ZNF326: variants seen among roughly 807,000 people sequenced by gnomAD.
The protein encoded by ZNF326 is DBIRD complex subunit ZNF326.
A neutral mutation model predicts 63.1 loss-of-function variants in ZNF326; 30 were observed. The ratio of observed to expected loss-of-function variants is 0.48; its 90% CI spans 0.36 to 0.64. The LOEUF is 0.64. ZNF326 is among the 30% of genes least tolerant of loss of function. ZNF326 has a pLI of 0.00. For synonymous variants in ZNF326, 194 were observed against 228.2 expected, an observed-to-expected ratio of 0.85 and a Z score of 1.35; for missense variants, 609 against 720.3, an observed-to-expected ratio of 0.85 and a Z score of 1.77.
intron 2 of ZNF326, among the ~76,000 whole-genome samples, chr1:90,002,317 T>C (rs906872398): frequency 2.6e-5 from 4 of 152,188 alleles, no homozygotes; most frequent in Non-Finnish European, 4.4e-5. Flanking sequence ...ACAATAAATG[T>C]TAATAATTTT....
At chr1:90,024,980 G>GTTTTTTTTTT (rs563668519) in intron 11 of ZNF326, among the ~76,000 whole-genome samples, 2 of 128,536 alleles carry the variant, frequency 1.6e-5, no homozygotes, top group African/African-American at 5.8e-5. Flanking sequence ...TTTTTTTCCT[G>GTTTTTTTTTT]TTTTTTTTTT....
intron 8 of ZNF326, 44 bp from the exon 9 acceptor site, chr1:90,018,641 T>G: frequency 9.0e-7 from 1 of 1,116,502 alleles, no homozygotes; most frequent in South Asian, 1.4e-5. Flanking sequence ...TATACTTGAG[T>G]GCTCATTGAA....
intron 6 of ZNF326, among the ~76,000 whole-genome samples, chr1:90,011,982 G>A (rs983075209): frequency 2.6e-5 from 4 of 152,084 alleles, no homozygotes; most frequent in African/African-American, 4.8e-5. Flanking sequence ...GACTACAGAT[G>A]TGCACCACCA....
intron 8 of ZNF326, 68 bp from the exon 9 acceptor site, chr1:90,018,617 A>G (rs1048143164): frequency 3.1e-5 from 25 of 799,882 alleles, no homozygotes; most frequent in Non-Finnish European, 4.0e-6. Context: ...TAGAATGAAC[A>G]TAGTGCTAAG....
intron 2 of ZNF326, among the ~76,000 whole-genome samples, chr1:90,003,479 A>G (rs1232921260): frequency 1.3e-5 from 2 of 152,292 alleles, no homozygotes; most frequent in East Asian, 3.9e-4. Flanking sequence ...GGACTAGTAA[A>G]TTTAAGATGA....
intron 6 of ZNF326, among the ~76,000 whole-genome samples, chr1:90,012,541 T>C (rs763735878): frequency 6.6e-6 from 1 of 152,242 alleles, no homozygotes; most frequent in Non-Finnish European, 1.5e-5. Context: ...ATGTACTTAA[T>C]GCCATTGAAT....
Position 90,007,891 on chromosome 1 carries a change from A to T in ZNF326, c.615+141A>T. On this transcript the variant is annotated intron_variant, in intron 5 of 11. Coordinates refer to ENST00000340281, the MANE Select transcript of ZNF326 (RefSeq NM_182976.4). The surrounding 1 kb of genome is among the most constrained non-coding windows in gnomAD (Gnocchi z 4.9). ...AAGCTGAGTCATAAACATAATTTTTAGGTTGACTGTAAAAGTTTTTCTAGC... is the reference window on the plus strand; with the variant it reads ...AAGCTGAGTCATAAACATAATTTTTTGGTTGACTGTAAAAGTTTTTCTAGC... The T allele has an allele frequency of 1.2e-6, 1 of 845,258 alleles. No individual in the cohort carries two copies. Among genetic ancestry groups the T allele is most frequent in the Non-Finnish European group, 1.6e-6 (1 of 623,092 alleles). 52.4% of individuals were successfully genotyped at this position (845,258 alleles called of 1,614,324 possible).
rs2816879 is a variant in ZNF326 at position 90,024,459 on chromosome 1, G to A, written c.1401+2114G>A. 8.9e-3 allele frequency among the ~76,000 whole-genome samples: 1,350 copies of A among 152,164 alleles called. 15 individuals are homozygous for A. The highest frequency in any genetic ancestry group is 0.031 in the African/African-American group (1,283 of 41,494). ...CTTGCTAAAAAATGTGGAATTGTGC[G>A]TGCCAGTCCTGTGTTTCCCAGATTT... is the stretch of plus-strand genomic sequence containing the variant. On this transcript the variant is annotated intron_variant, in intron 11 of 11. Transcript: ENST00000340281.
intron 2 of ZNF326, among the ~76,000 whole-genome samples, chr1:90,000,383 C>G (rs1648614524): frequency 6.6e-6 from 1 of 152,020 alleles, no homozygotes; most frequent in Non-Finnish European, 1.5e-5. Flanking sequence ...TTCATAATAC[C>G]TTTTACATAA....
chr1:90,015,017 T>C (rs1649435502), intron 7 of ZNF326, among the ~76,000 whole-genome samples: 1 of 152,178 alleles, frequency 6.6e-6, no homozygotes. Flanking sequence ...GAATTGAACT[T>C]TCATTTAGCT....
chr1:90,004,143 G>C (rs1426371648), intron 2 of ZNF326, among the ~76,000 whole-genome samples: 2 of 151,116 alleles, frequency 1.3e-5, no homozygotes, highest in African/African-American at 2.4e-5. Context: ...TATATAGGCA[G>C]AATTGCAGTG....
Position 90,021,320 on chromosome 1 carries a change from TAA to T in ZNF326, c.1305+402_1305+403del, listed in dbSNP as rs149882660. Among the ~76,000 whole-genome samples, 373 of 152,196 alleles carry T rather than the reference TAA, an allele frequency of 2.5e-3. 2 individuals are homozygous for T. Among genetic ancestry groups the T allele is most frequent in the African/African-American group, 8.4e-3 (349 of 41,564 alleles). ...AGCTTTTGTTGAACTGTTAACTTTT[TAA>T]AAAGTCAGTACAAAACAGTTTTGTG... On this transcript the variant is annotated intron_variant, in intron 10 of 11. Coordinates refer to ENST00000340281, the MANE Select transcript of ZNF326 (RefSeq NM_182976.4).
intron 9 of ZNF326, 106 bp downstream of exon 9, chr1:90,018,890 T>G: frequency 2.0e-6 from 1 of 509,494 alleles, no homozygotes. Flanking sequence ...TACAGTCATA[T>G]ATACAGTAGC....
chr1:90,024,615 C>CTT (rs1245635971), intron 11 of ZNF326, among the ~76,000 whole-genome samples: 2 of 151,496 alleles, frequency 1.3e-5, no homozygotes, highest in Non-Finnish European at 2.9e-5. Flanking sequence ...TATTCTTTTT[C>CTT]TTATATATAT....
At chr1:90,024,345 G>A (rs1649911342) in intron 11 of ZNF326, among the ~76,000 whole-genome samples, 1 of 152,010 alleles carries the variant, frequency 6.6e-6, no homozygotes, top group African/African-American at 2.4e-5. Flanking sequence ...CCCTGCTCTG[G>A]GCATTGATAA....
chr1:90,024,907 ATCT>A (rs947607289), intron 11 of ZNF326, among the ~76,000 whole-genome samples: 3 of 150,956 alleles, frequency 2.0e-5, no homozygotes, highest in African/African-American at 7.3e-5. Context: ...GTGAGGAAAA[ATCT>A]TCTTTGCCTT....
At chr1:90,013,345 C>T in intron 7 of ZNF326, 108 bp downstream of exon 7, 1 of 840,452 alleles carries the variant, frequency 1.2e-6, no homozygotes, top group Non-Finnish European at 1.7e-6. Flanking sequence ...AATGAAAAGA[C>T]TTGTTCAAAG....
chr1:90,025,271 C>G (rs1649963379), intron 11 of ZNF326, among the ~76,000 whole-genome samples: 1 of 152,068 alleles, frequency 6.6e-6, no homozygotes, highest in Non-Finnish European at 1.5e-5. Context: ...TAGGGTTTCC[C>G]AAACTTCACT....
chr1:89,996,400 C>A (rs543395288), intron 1 of ZNF326, among the ~76,000 whole-genome samples: 1 of 152,148 alleles, frequency 6.6e-6, no homozygotes, highest in Admixed American at 6.5e-5. Flanking sequence ...TTTCATGCAA[C>A]AAAGAATTAA....
Sources: gnomAD v4.1 joint callset for allele counts (sites outside exome capture counted in the v4.1 genomes callset) on GRCh38, gnomAD v4.1.1 for gene constraint, Gnocchi (gnomAD v3.1) non-coding constraint, MANE v1.5 for transcripts, NCBI Gene and HGNC (gene_info 2026-07-23, HGNC 2026-07-21) for gene names.